Variants in MTMR7 observed in about 807,000 individuals in gnomAD.
MTMR7 encodes phosphatidylinositol-3-phosphate phosphatase MTMR7.
A neutral mutation model predicts 81.2 loss-of-function variants in MTMR7; 76 were observed. The ratio of observed to expected loss-of-function variants is 0.94; its 90% confidence interval spans 0.78 to 1.13. The LOEUF is 1.13. Among genes scored for constraint, MTMR7 ranks in the 50% most tolerant of loss-of-function variants. The pLI, the probability that MTMR7 is intolerant of heterozygous loss-of-function variation, is 0.00. For missense variants in MTMR7, 1,044 were observed against 820.0 expected (o/e 1.27, Z -3.34); for synonymous variants, 372 against 289.8 (o/e 1.28, Z -2.88).
chr8:17,376,047 A>G (rs1197599282), intron 1 of MTMR7, among the ~76,000 whole-genome samples: 1 of 152,188 alleles, frequency 6.6e-6, no homozygotes, highest in African/African-American at 2.4e-5. Flanking sequence ...GCAAAAAGAA[A>G]TCCTGCACCC....
intron 1 of MTMR7, among the ~76,000 whole-genome samples, chr8:17,410,271 G>T (rs1202857530): frequency 6.6e-6 from 1 of 152,168 alleles, no homozygotes; most frequent in Non-Finnish European, 1.5e-5. Context: ...ATTTACACAT[G>T]TGGGAAAAAT....
intron 10 of MTMR7, among the ~76,000 whole-genome samples, chr8:17,307,775 C>T (rs1586147850): frequency 1.3e-5 from 2 of 152,066 alleles, no homozygotes; most frequent in South Asian, 2.1e-4. Flanking sequence ...TCTCAGCAAA[C>T]TATCGCAAGG....
intron 10 of MTMR7, among the ~76,000 whole-genome samples, chr8:17,308,983 T>C (rs763904322): frequency 6.6e-6 from 1 of 152,192 alleles, no homozygotes; most frequent in Non-Finnish European, 1.5e-5. Context: ...ATTTAGTAAG[T>C]CACATGCAAA....
chr8:17,368,274 T>TGCCGC (rs2150562691), intron 3 of MTMR7, among the ~76,000 whole-genome samples: 1 of 152,302 alleles, frequency 6.6e-6, no homozygotes, highest in African/African-American at 2.4e-5. Flanking sequence ...TGCTGTGCTG[T>TGCCGC]GCCGCCCGCT....
chr8:17,339,656 A>G (rs184727136), intron 6 of MTMR7, among the ~76,000 whole-genome samples: 24 of 152,336 alleles, frequency 1.6e-4, no homozygotes, highest in African/African-American at 5.8e-4. Flanking sequence ...TTCTCCATTT[A>G]TGAACATTTG....
In MTMR7 at chr8:17,311,618, C is replaced by T. The variant is rs1440736219; in HGVS notation, c.994G>A (p.Ala332Thr). 3 of 1,613,994 alleles carry T rather than the reference C, an allele frequency of 1.9e-6. No homozygotes were observed. The highest frequency in any genetic ancestry group is 2.2e-5 in the East Asian group (1 of 44,888). ...TCAGAACAGTGAACAAGCACACTTG[C>T]CCCTTCCTCTGACACTGCCTAGAAA... is the stretch of plus-strand genomic sequence containing the variant. ...FIAKAVSEEG[A>T]SVLVHCSDGW... is the part of the protein sequence containing the mutation. The change falls in exon 9 of 14, where the codon GCA becomes ACA. Residue 332 changes from alanine (A) to threonine (T), a missense_variant. Coordinates refer to ENST00000180173, the MANE Select transcript of MTMR7 (RefSeq NM_004686.5).
rs915585550 is a variant in MTMR7 at position 17,296,896 on chromosome 8, C to G, written c.*2966G>C. ...GTTACAACCCAGTCATGAAACAGAG[C>G]AGTGTGATCAGTTATCTGCATTTAA... On this transcript the variant is annotated 3_prime_UTR_variant, in exon 14 of 14. Coordinates refer to ENST00000180173, the MANE Select transcript of MTMR7 (RefSeq NM_004686.5). 1 of 152,118 alleles carries G rather than the reference C, an allele frequency of 6.6e-6. No homozygotes were observed. Among genetic ancestry groups the G allele is most frequent in the African/African-American group, 2.4e-5 (1 of 41,434 alleles). 9.4% of individuals were successfully genotyped at this position (152,118 alleles called of 1,614,324 possible).
At chr8:17,307,909 G>A (rs944503059) in intron 10 of MTMR7, among the ~76,000 whole-genome samples, 31 of 148,778 alleles carry the variant, frequency 2.1e-4, no homozygotes, top group Non-Finnish European at 3.3e-4. Context: ...AGGGGGGAGG[G>A]ATAGCATTAG....
At chr8:17,376,036 C>T (rs1820575497) in intron 1 of MTMR7, among the ~76,000 whole-genome samples, 1 of 152,108 alleles carries the variant, frequency 6.6e-6, no homozygotes. Context: ...TTTTCATCAC[C>T]GCAAAAAGAA....
intron 6 of MTMR7, among the ~76,000 whole-genome samples, chr8:17,337,546 G>A (rs1819282679): frequency 6.6e-6 from 1 of 152,130 alleles, no homozygotes; most frequent in African/African-American, 2.4e-5. Flanking sequence ...TACGTGCCCT[G>A]AAGAGTATAA....
chr8:17,351,530 A>G (rs1819727102), intron 4 of MTMR7, among the ~76,000 whole-genome samples: 1 of 152,234 alleles, frequency 6.6e-6, no homozygotes. Context: ...CACTCTGCAG[A>G]GTAGAGGTAT....
intron 1 of MTMR7, among the ~76,000 whole-genome samples, chr8:17,374,269 T>A (rs1381934264): frequency 6.6e-6 from 1 of 152,012 alleles, no homozygotes; most frequent in African/African-American, 2.4e-5. Context: ...GTGGATCACC[T>A]GAGGTGAGGA....
intron 1 of MTMR7, among the ~76,000 whole-genome samples, chr8:17,402,343 A>G (rs1821451239): frequency 6.6e-6 from 1 of 152,110 alleles, no homozygotes; most frequent in South Asian, 2.1e-4. Context: ...GGTCTTACTC[A>G]TTCTTTCTAA....
intron 1 of MTMR7, among the ~76,000 whole-genome samples, chr8:17,405,099 G>A (rs906737214): frequency 1.1e-4 from 17 of 152,340 alleles, no homozygotes; most frequent in South Asian, 6.2e-4. Context: ...CGATCCGTCC[G>A]CCTTGGCCTC....
intron 7 of MTMR7, among the ~76,000 whole-genome samples, chr8:17,328,488 T>C (rs1818812526): frequency 6.6e-6 from 1 of 152,140 alleles, no homozygotes; most frequent in African/African-American, 2.4e-5. Context: ...GCACCACATG[T>C]TCTCACTTAA....
rs1487358595 is a variant in MTMR7 at position 17,305,786 on chromosome 8, A to T, written c.1323T>A (p.Cys441Ter). 18 of 1,613,172 alleles carry T rather than the reference A, an allele frequency of 1.1e-5. No individual in the cohort carries two copies. Among genetic ancestry groups the T allele is most frequent in the Non-Finnish European group, 1.5e-5 (18 of 1,179,382 alleles). Residue 441 changes from cysteine to a stop codon, truncating the protein, a stop_gained, in exon 11 of 14, where the codon TGT becomes TGA. Transcript: ENST00000180173. LOFTEE classifies it high-confidence loss of function. Reference protein sequence around the residue: ...IYSCQFGNFLCNSQKERRELK... With the variant: ...IYSCQFGNFL ...GTTCTCGTCTCTCCTTTTGGCTGTT[A>T]CATAGGAAGTTTCCAAACTGGCAGG...
chr8:17,335,464 G>A (rs1819207063), intron 6 of MTMR7, among the ~76,000 whole-genome samples: 1 of 152,108 alleles, frequency 6.6e-6, no homozygotes, highest in South Asian at 2.1e-4. Flanking sequence ...TCAGGTTAAA[G>A]GTCAGCCTGG....
chr8:17,397,387 T>A (rs1197234547), intron 1 of MTMR7, among the ~76,000 whole-genome samples: 1 of 152,048 alleles, frequency 6.6e-6, no homozygotes, highest in Non-Finnish European at 1.5e-5. Flanking sequence ...CACCACAAGC[T>A]GACTGAAGAG....
chr8:17,380,958 A>C (rs567121239), intron 1 of MTMR7, among the ~76,000 whole-genome samples: 27 of 152,192 alleles, frequency 1.8e-4, no homozygotes, highest in Non-Finnish European at 3.7e-4. Context: ...CAAGAGCCCA[A>C]AGATTGACAC....
Sources: gnomAD v4.1 joint callset for allele counts (sites outside exome capture counted in the v4.1 genomes callset) on GRCh38, gnomAD v4.1.1 for gene constraint, MANE v1.5 for transcripts, NCBI Gene and HGNC (gene_info 2026-07-23, HGNC 2026-07-21) for gene names.